ETV1: variants seen among roughly 807,000 people sequenced by gnomAD.
ETV1 encodes the protein ETS translocation variant 1.
Under a neutral mutation model 62.3 loss-of-function variants are expected in ETV1, and 27 were observed. The observed-to-expected ratio is 0.43, with a 90% CI of 0.32 to 0.60. The LOEUF is 0.60. Ranked by LOEUF, ETV1 falls within the 20% of genes least tolerant of loss-of-function variation. The pLI, the probability that ETV1 is intolerant of heterozygous loss-of-function variation, is 0.06. For synonymous variants in ETV1, 222 were observed against 199.6 expected, an observed-to-expected ratio of 1.11 and a Z score of -0.94; for missense variants, 605 against 605.8, an observed-to-expected ratio of 1.00 and a Z score of 0.01.
intron 6 of ETV1, among the ~76,000 whole-genome samples, chr7:13,950,086 A>G (rs145510848): frequency 1.3e-5 from 2 of 152,238 alleles, no homozygotes; most frequent in Admixed American, 6.5e-5. Flanking sequence ...TGAAGCAGAC[A>G]TTAGATATGA....
intron 6 of ETV1, among the ~76,000 whole-genome samples, chr7:13,962,930 T>C (rs1386349717): frequency 2.6e-5 from 4 of 152,186 alleles, no homozygotes; most frequent in South Asian, 2.1e-4. Flanking sequence ...TTATTTTACG[T>C]CTTTAATTCA....
At chr7:13,967,657 T>C (rs1005168478) in intron 6 of ETV1, among the ~76,000 whole-genome samples, 2 of 152,072 alleles carry the variant, frequency 1.3e-5, no homozygotes, top group Non-Finnish European at 2.9e-5. Flanking sequence ...GAAGCAAATA[T>C]GCATTGTGCA....
At chr7:13,964,563 A>G (rs1033621772) in intron 6 of ETV1, among the ~76,000 whole-genome samples, 1 of 152,214 alleles carries the variant, frequency 6.6e-6, no homozygotes, top group Non-Finnish European at 1.5e-5. Context: ...GCATAGATAC[A>G]TTAACATTGA....
At position 13,893,897 on chromosome 7, in the gene ETV1, T is replaced by A; in HGVS notation, c.*1969A>T. The A allele has an allele frequency of 4.3e-6, 1 of 233,194 alleles. No homozygotes were observed. Among genetic ancestry groups the A allele is most frequent in the Non-Finnish European group, 8.5e-6 (1 of 117,792 alleles). The allele number at this position is 233,194 out of a possible 1,614,324, so 14.4% of individuals were successfully genotyped here. On this transcript the variant is annotated 3_prime_UTR_variant, in exon 14 of 14. Transcript: ENST00000430479. ...GCCCAAAATGGGCCAAAATAATACATGATGTATATGAACAACAATCATTGA... is the reference window on the plus strand; with the variant it reads ...GCCCAAAATGGGCCAAAATAATACAAGATGTATATGAACAACAATCATTGA...
chr7:13,927,545 C>T (rs1434062413), intron 9 of ETV1, among the ~76,000 whole-genome samples: 2 of 152,060 alleles, frequency 1.3e-5, no homozygotes, highest in Non-Finnish European at 2.9e-5. Context: ...TGTTCAACAC[C>T]AATAGGTGAA....
intron 5 of ETV1, among the ~76,000 whole-genome samples, chr7:13,980,531 C>T (rs1781873892): frequency 6.6e-6 from 1 of 151,984 alleles, no homozygotes; most frequent in Non-Finnish European, 1.5e-5. Flanking sequence ...AAATGTTTCC[C>T]CACACTATGT....
intron 9 of ETV1, 92 bp downstream of exon 9, chr7:13,931,410 A>G (rs1424068680): frequency 1.4e-6 from 2 of 1,384,886 alleles, no homozygotes; most frequent in Non-Finnish European, 2.0e-6. Flanking sequence ...AAAAATGGTC[A>G]GGAGCTACCT....
rs1020319686 is a variant in ETV1, at chr7:13,895,260, T to C, written c.*606A>G. 1.3e-5 allele frequency: 3 copies of C among 233,658 alleles called. No individual in the cohort carries two copies. Among genetic ancestry groups the C allele is most frequent in the African/African-American group, 6.6e-5 (3 of 45,350 alleles). 14.5% of individuals were successfully genotyped at this position (233,658 alleles called of 1,614,324 possible). A position where few individuals can be genotyped will look rare whatever the true frequency, so the allele number is the denominator to read the frequency against. ...GAGAGAATTACCCATTTTATGGTTA[T>C]CCTCTGCAAGTCATATATAAAGCAA... On this transcript the variant is annotated 3_prime_UTR_variant, in exon 14 of 14. Transcript: ENST00000430479.
At position 13,893,991 on chromosome 7, in the gene ETV1, T is replaced by C. The variant is rs1379771662; in HGVS notation, c.*1875A>G. 4.3e-6 allele frequency: 1 copy of C among 232,798 alleles called. No individual in the cohort carries two copies. The highest frequency in any genetic ancestry group is 8.5e-6 in the Non-Finnish European group (1 of 117,822). The allele number at this position is 232,798 out of a possible 1,614,324, so 14.4% of individuals were successfully genotyped here. ...TAGGATTAAATGTGAAGAGTAGCAA[T>C]TTTGGTGTTTGGGTTTCTTGATAAC... On this transcript the variant is annotated 3_prime_UTR_variant, in exon 14 of 14. Transcript: ENST00000430479.
intron 9 of ETV1, among the ~76,000 whole-genome samples, chr7:13,931,190 G>T (rs895316383): frequency 2.6e-5 from 4 of 151,672 alleles, no homozygotes; most frequent in African/African-American, 9.7e-5. Context: ...AAAATAAGAA[G>T]AAAAAAAAGT....
intron 4 of ETV1, among the ~76,000 whole-genome samples, chr7:13,987,805 T>A (rs1479130483): frequency 1.3e-5 from 2 of 152,250 alleles, no homozygotes; most frequent in Non-Finnish European, 2.9e-5. Flanking sequence ...GTGAGTTATA[T>A]GCCCCATGGA....
chr7:13,909,838 T>C, intron 10 of ETV1, 138 bp from the exon 11 acceptor site: 5 of 688,588 alleles, frequency 7.3e-6, no homozygotes, highest in Non-Finnish European at 1.3e-5. Flanking sequence ...CCTGGACACA[T>C]TATTTAACCT....
intron 11 of ETV1, chr7:13,907,836 A>G: frequency 2.1e-6 from 1 of 470,662 alleles, no homozygotes; most frequent in South Asian, 1.6e-5. Flanking sequence ...ATAATTACAG[A>G]AAGGGCAACA....
At position 13,910,179 on chromosome 7, in the gene ETV1, T is replaced by A. The variant is rs1783416054; in HGVS notation, c.872-479A>T. 2.0e-5 allele frequency among the ~76,000 whole-genome samples: 3 copies of A among 151,292 alleles called. No homozygotes were observed. In the South Asian group the frequency reaches 6.3e-4, roughly 32 times the overall value. On this transcript the variant is annotated intron_variant, in intron 10 of 13. Coordinates refer to ENST00000430479, the MANE Select transcript of ETV1 (RefSeq NM_004956.5). ...TTCTTGTAAAAATATTTAGATGGGT[T>A]AACCTTCCTGTACTCAATTAGCAAG... is the stretch of plus-strand genomic sequence containing the variant.
rs1199385634 is a variant in ETV1, at chr7:13,989,331, A to T, written c.-151T>A. 2 of 505,302 alleles carry T rather than the reference A, an allele frequency of 4.0e-6. No homozygotes were observed. The highest frequency in any genetic ancestry group is 6.9e-6 in the Non-Finnish European group (2 of 288,382). The allele number at this position is 505,302 out of a possible 1,614,324, so 31.3% of individuals were successfully genotyped here. A position where few individuals can be genotyped will look rare whatever the true frequency, so the allele number is the denominator to read the frequency against. On this transcript the variant is annotated 5_prime_UTR_variant, in exon 2 of 14. Transcript: ENST00000430479. The stretch of plus-strand genomic sequence containing the variant: ...TATTTTCGGTAGTAGCAAAAATCCG[A>T]ACAAGAGGCGATGTATTTATTTACA...
chr7:13,906,080 C>G (rs770244549), intron 12 of ETV1: 1 of 173,984 alleles, frequency 5.7e-6, no homozygotes, highest in South Asian at 2.0e-4. Flanking sequence ...TTGCAGACAT[C>G]GTTCCTCTCT....
chr7:13,930,147 G>C (rs1487718164), intron 9 of ETV1, among the ~76,000 whole-genome samples: 1 of 151,978 alleles, frequency 6.6e-6, no homozygotes, highest in Non-Finnish European at 1.5e-5. Flanking sequence ...ACAGGTACAT[G>C]GTAACCTTAT....
intron 12 of ETV1, among the ~76,000 whole-genome samples, chr7:13,903,332 T>G (rs1782624713): frequency 6.6e-6 from 1 of 152,186 alleles, no homozygotes; most frequent in Non-Finnish European, 1.5e-5. Context: ...ATATCACGCT[T>G]GAATATGTAA....
chr7:13,939,859 A>C (rs920014725), intron 6 of ETV1, among the ~76,000 whole-genome samples: 1 of 152,228 alleles, frequency 6.6e-6, no homozygotes, highest in Non-Finnish European at 1.5e-5. Context: ...GAAATCTGAG[A>C]AATATGTAAA....
Sources: gnomAD v4.1 joint callset for allele counts (sites outside exome capture counted in the v4.1 genomes callset) on GRCh38, gnomAD v4.1.1 for gene constraint, MANE v1.5 for transcripts, NCBI Gene and HGNC (gene_info 2026-07-23, HGNC 2026-07-21) for gene names.